FLI1: variants seen among roughly 807,000 people sequenced by gnomAD.
The protein encoded by FLI1 is Fli-1 proto-oncogene, ETS transcription factor, also known as Friend leukemia integration 1 transcription factor.
FLI1 carries 13 observed loss-of-function variants against 53.1 expected under a neutral mutation model. The ratio of observed to expected loss-of-function variants is 0.24; its 90% CI spans 0.16 to 0.39. FLI1 has a LOEUF of 0.39. Among genes scored for constraint, FLI1 ranks in the 10% least tolerant of loss-of-function variants. The pLI is 1.00. For synonymous variants in FLI1, 244 were observed against 236.7 expected (o/e 1.03, Z -0.28); for missense variants, 424 against 600.5 (o/e 0.71, Z 3.07).
Position 128,694,286 on chromosome 11 carries a change from G to C in FLI1, c.18+10G>C. Reference sequence around the variant, plus strand: ...GGACGGGACTATTAAGGTAAGCGGCGGGGCAACGGACGCGGGCGGCGGGGA... The same window carrying C: ...GGACGGGACTATTAAGGTAAGCGGCCGGGCAACGGACGCGGGCGGCGGGGA... On this transcript the variant is annotated intron_variant, in intron 1 of 8. Transcript: ENST00000527786. The C allele has an allele frequency of 1.5e-6, 2 of 1,371,780 alleles. No individual in the cohort carries two copies. The allele number at this position is 1,371,780 out of a possible 1,614,324, so 85.0% of individuals were successfully genotyped here.
chr11:128,758,522 C>T (rs1014930518), intron 2 of FLI1, among the ~76,000 whole-genome samples, 196 bp downstream of exon 2: 14 of 152,172 alleles, frequency 9.2e-5, no homozygotes, highest in African/African-American at 3.4e-4. Flanking sequence ...CTAGGAAGCC[C>T]CCCTGCCTCT....
intron 3 of FLI1, among the ~76,000 whole-genome samples, chr11:128,771,499 G>C (rs1033209419): frequency 3.3e-5 from 5 of 152,238 alleles, no homozygotes; most frequent in Admixed American, 6.5e-5. Flanking sequence ...GCTGTGAAGC[G>C]TGAGCCTTGC....
chr11:128,747,702 G>T (rs528828721), intron 1 of FLI1, among the ~76,000 whole-genome samples: 1 of 152,172 alleles, frequency 6.6e-6, no homozygotes, highest in Non-Finnish European at 1.5e-5. Context: ...GCTTCGTCCC[G>T]GACGGTCAAG....
Position 128,810,600 on chromosome 11 carries a change from G to A in FLI1, c.971G>A (p.Arg324Gln), listed in dbSNP as rs763299138. ...PDEVARRWGE[R>Q]KSKPNMNYDK... ...GAGGTGGCCAGGCGCTGGGGCGAGCGGAAAAGCAAGCCCAACATGAATTAC... is the reference window on the plus strand; with the variant it reads ...GAGGTGGCCAGGCGCTGGGGCGAGCAGAAAAGCAAGCCCAACATGAATTAC... Residue 324 changes from arginine (R) to glutamine (Q), a missense_variant, in exon 9 of 9, where the codon CGG becomes CAG. This residue lies in a region of FLI1 where 71 missense variants were observed against 174.2 expected (regional missense o/e 0.41). Coordinates refer to ENST00000527786, the MANE Select transcript of FLI1 (RefSeq NM_002017.5). The surrounding 1 kb of genome is among the most constrained non-coding windows in gnomAD (Gnocchi z 6.6). The A allele has an allele frequency of 1.2e-6, 2 of 1,613,780 alleles. No homozygotes were observed. The highest frequency in any genetic ancestry group is 1.1e-5 in the South Asian group (1 of 90,990).
intron 1 of FLI1, chr11:128,687,068 G>A (rs1328861558): frequency 6.4e-6 from 1 of 155,934 alleles, no homozygotes; most frequent in Non-Finnish European, 1.4e-5. Context: ...GCTTGTGTGT[G>A]AGCGCGTCTG....
At chr11:128,768,070 G>A (rs1941411876) in intron 2 of FLI1, 48 bp from the exon 3 acceptor site, 14 of 1,532,258 alleles carry the variant, frequency 9.1e-6, no homozygotes, top group Non-Finnish European at 1.2e-5. Flanking sequence ...GAGGCAAGCT[G>A]CCCTGTCAGT....
At position 128,765,188 on chromosome 11, in the gene FLI1, C is replaced by T. The variant is rs1283204901; in HGVS notation, c.231-2930C>T. Among the ~76,000 whole-genome samples the T allele has an allele frequency of 2.6e-5, 4 of 152,202 alleles. No homozygotes were observed. In the East Asian group the frequency reaches 7.7e-4, roughly 29 times the overall value. ...CCCTCCTCCTCTGCGTCCACTTTCC[C>T]TTCGTCTAGGTGCCCATGGCTCCTC... is the stretch of plus-strand genomic sequence containing the variant. On this transcript the variant is annotated intron_variant, in intron 2 of 8. Coordinates refer to ENST00000527786, the MANE Select transcript of FLI1 (RefSeq NM_002017.5).
At chr11:128,711,695 C>T (rs1244154080) in intron 1 of FLI1, among the ~76,000 whole-genome samples, 3 of 152,182 alleles carry the variant, frequency 2.0e-5, no homozygotes, top group Non-Finnish European at 2.9e-5. Context: ...TTGCAAAATA[C>T]TGGCATTGTA....
At position 128,809,548 on chromosome 11, in the gene FLI1, G is replaced by A. The variant is rs73021478; in HGVS notation, c.829+344G>A. ...AGACAACTCCACTCAGCTCTCAGTT[G>A]TCTCCCGCATGCCAGGCACAAGTTC... On this transcript the variant is annotated intron_variant, in intron 8 of 8. Coordinates refer to ENST00000527786, the MANE Select transcript of FLI1 (RefSeq NM_002017.5). 2.7e-3 allele frequency among the ~76,000 whole-genome samples: 416 copies of A among 152,318 alleles called. 4 individuals carry two copies. Among genetic ancestry groups the A allele is most frequent in the African/African-American group, 9.4e-3 (390 of 41,578 alleles).
intron 6 of FLI1, 158 bp from the exon 7 acceptor site, chr11:128,807,022 C>G (rs1942799662): frequency 4.6e-6 from 2 of 432,386 alleles, no homozygotes; most frequent in East Asian, 7.1e-5. Context: ...AGGGCCAGCA[C>G]ATAGTAGATT....
rs181148156 is a variant in FLI1 at position 128,729,859 on chromosome 11, T to A, written c.19-28256T>A. 3.3e-3 allele frequency among the ~76,000 whole-genome samples: 501 copies of A among 152,362 alleles called. 2 individuals are homozygous for A. Among genetic ancestry groups the A allele is most frequent in the Non-Finnish European group, 2.5e-3 (167 of 68,038 alleles). Reference sequence around the variant, plus strand: ...GAATGATTTTTGCTAAAGAGATGCTTATTTTTTCAAAATGCAATTCTATAA... The same window carrying A: ...GAATGATTTTTGCTAAAGAGATGCTAATTTTTTCAAAATGCAATTCTATAA... On this transcript the variant is annotated intron_variant, in intron 1 of 8. Transcript: ENST00000527786.
chr11:128,806,296 C>G (rs1288626996), intron 6 of FLI1: 3 of 152,122 alleles, frequency 2.0e-5, no homozygotes, highest in African/African-American at 7.2e-5. Flanking sequence ...CAAGCACACA[C>G]AGAACTCCTT....
In FLI1 at chr11:128,694,286, G is replaced by A. The variant is rs750570259; in HGVS notation, c.18+10G>A. 7.3e-5 allele frequency: 100 copies of A among 1,371,666 alleles called. No homozygotes were observed. Among genetic ancestry groups the A allele is most frequent in the Non-Finnish European group, 8.9e-5 (94 of 1,051,678 alleles). 85.0% of individuals were successfully genotyped at this position (1,371,666 alleles called of 1,614,324 possible). ...GGACGGGACTATTAAGGTAAGCGGC[G>A]GGGCAACGGACGCGGGCGGCGGGGA... On this transcript the variant is annotated intron_variant, in intron 1 of 8. Coordinates refer to ENST00000527786, the MANE Select transcript of FLI1 (RefSeq NM_002017.5).
intron 4 of FLI1, among the ~76,000 whole-genome samples, chr11:128,781,247 A>G (rs777432693): frequency 6.6e-6 from 1 of 152,152 alleles, no homozygotes; most frequent in Non-Finnish European, 1.5e-5. Flanking sequence ...CCCAACTCCC[A>G]TTGCCCCCTC....
intron 1 of FLI1, among the ~76,000 whole-genome samples, chr11:128,745,243 T>C (rs1391949180): frequency 2.0e-5 from 3 of 148,678 alleles, no homozygotes; most frequent in Non-Finnish European, 4.4e-5. Flanking sequence ...GGCAGAACAA[T>C]TGAAGGTGAC....
rs768239056 is a variant in FLI1 at position 128,758,231 on chromosome 11, C to G, written c.135C>G (p.Pro45=). 2 of 1,613,376 alleles carry G rather than the reference C, an allele frequency of 1.2e-6. No homozygotes were observed. The highest frequency in any genetic ancestry group is 2.7e-5 in the African/African-American group (2 of 74,878). Residue 45 remains proline, a synonymous_variant, in exon 2 of 9, where the codon CCC becomes CCG. Transcript: ENST00000527786. ...CGGGGAGTCCTGACTACGGGCAGCC[C>G]CACAAGATCAACCCCCTCCCACCAC... ...TASGSPDYGQ[P]HKINPLPPQQ...
At chr11:128,690,700 C>T (rs1244408756), upstream of FLI1, among the ~76,000 whole-genome samples, 1 of 152,214 alleles carries the variant, frequency 6.6e-6, no homozygotes, top group African/African-American at 2.4e-5. Context: ...CCCATGTGCA[C>T]GGTTTCTGTA....
chr11:128,795,581 A>G (rs1213701775), intron 5 of FLI1, among the ~76,000 whole-genome samples: 3 of 117,824 alleles, frequency 2.5e-5, no homozygotes, highest in Non-Finnish European at 3.4e-5. Flanking sequence ...TTTTTTTGAG[A>G]CAGAGTCTTG....
chr11:128,707,241 A>G (rs1938584167), intron 1 of FLI1, among the ~76,000 whole-genome samples: 2 of 152,322 alleles, frequency 1.3e-5, no homozygotes, highest in African/African-American at 4.8e-5. Flanking sequence ...AGATTCATAC[A>G]TTATCTTAAG....
Sources: allele counts gnomAD v4.1 joint callset (sites outside exome capture counted in the v4.1 genomes callset), GRCh38; gene constraint gnomAD v4.1.1; regional missense constraint gnomAD v4.1.1; non-coding constraint Gnocchi (gnomAD v3.1); transcripts MANE v1.5; gene names NCBI Gene and HGNC (gene_info 2026-07-23, HGNC 2026-07-21).